CNTN4: variants seen among roughly 807,000 people sequenced by gnomAD.
CNTN4 encodes the protein contactin-4.
Under a neutral mutation model 122.5 loss-of-function variants are expected in CNTN4, and 77 were observed. The ratio of observed to expected loss-of-function variants is 0.63; its 90% CI spans 0.52 to 0.76. The LOEUF (loss-of-function observed/expected upper bound fraction) is 0.76. CNTN4 is among the 30% of genes least tolerant of loss of function. CNTN4 has a pLI of 0.00. For missense variants in CNTN4, 1,256 were observed against 1,259.1 expected (o/e 1.00, Z 0.04); for synonymous variants, 512 against 447.0 (o/e 1.15, Z -1.83).
intron 3 of CNTN4, among the ~76,000 whole-genome samples, chr3:2,501,162 G>T (rs925641050): frequency 3.9e-5 from 6 of 152,084 alleles, no homozygotes; most frequent in Admixed American, 2.0e-4. Context: ...ATGCTCAGGA[G>T]GATAGACATG....
intron 2 of CNTN4, among the ~76,000 whole-genome samples, chr3:2,219,024 C>T (rs1451401567): frequency 6.6e-6 from 1 of 152,164 alleles, no homozygotes; most frequent in South Asian, 2.1e-4. Context: ...CAGCTTCCCC[C>T]TAGGATTACA....
chr3:2,118,038 G>T (rs2125178337), intron 2 of CNTN4, among the ~76,000 whole-genome samples: 1 of 152,222 alleles, frequency 6.6e-6, no homozygotes, highest in South Asian at 2.1e-4. Context: ...AAAATGCATT[G>T]GTTGTCTAAG....
At chr3:2,425,635 G>A (rs558359512) in intron 3 of CNTN4, among the ~76,000 whole-genome samples, 2 of 152,250 alleles carry the variant, frequency 1.3e-5, no homozygotes, top group African/African-American at 4.8e-5. Context: ...GATGGGGATG[G>A]CATTGAATCT....
At chr3:2,580,000 C>G (rs929036885) in intron 4 of CNTN4, among the ~76,000 whole-genome samples, 1 of 151,926 alleles carries the variant, frequency 6.6e-6, no homozygotes, top group South Asian at 2.1e-4. Context: ...ATAATAAATA[C>G]CTATGCAGAA....
chr3:2,175,786 CT>C (rs2036723184), intron 2 of CNTN4, among the ~76,000 whole-genome samples: 1 of 152,278 alleles, frequency 6.6e-6, no homozygotes, highest in African/African-American at 2.4e-5. Flanking sequence ...CTAACCTGAT[CT>C]GATCATACAG....
intron 13 of CNTN4, among the ~76,000 whole-genome samples, chr3:2,955,378 T>C (rs399470): frequency 0.67 from 102,354 of 151,720 alleles, 34,974 homozygotes; most frequent in South Asian, 0.78. Flanking sequence ...TTTCTGATTT[T>C]GAGTGACAAA....
chr3:2,581,591 C>CA (rs1297676012), intron 4 of CNTN4, among the ~76,000 whole-genome samples: 4 of 152,138 alleles, frequency 2.6e-5, no homozygotes, highest in African/African-American at 9.7e-5. Flanking sequence ...GAGAGAATGT[C>CA]AGAGTCTTGT....
intron 4 of CNTN4, among the ~76,000 whole-genome samples, chr3:2,622,146 C>G (rs1350663707): frequency 1.3e-5 from 2 of 152,132 alleles, no homozygotes; most frequent in African/African-American, 4.8e-5. Context: ...TTTGCTGTTT[C>G]TAGATTCTGC....
intron 6 of CNTN4, among the ~76,000 whole-genome samples, chr3:2,762,753 C>T (rs1299063547): frequency 6.6e-6 from 1 of 152,156 alleles, no homozygotes; most frequent in Non-Finnish European, 1.5e-5. Context: ...GATCGCCACA[C>T]TGTCTTCCAC....
At chr3:2,183,752 C>T (rs561661327) in intron 2 of CNTN4, among the ~76,000 whole-genome samples, 59 of 152,230 alleles carry the variant, frequency 3.9e-4, no homozygotes, top group African/African-American at 1.2e-3. Context: ...CACCCAAAGC[C>T]ATACATGGAA....
At chr3:2,517,528 C>G (rs893311397) in intron 3 of CNTN4, among the ~76,000 whole-genome samples, 1 of 152,074 alleles carries the variant, frequency 6.6e-6, no homozygotes, top group African/African-American at 2.4e-5. Flanking sequence ...TAAGTTCTTA[C>G]GGTAGGGCGT....
chr3:2,111,156 A>G (rs2032923283), intron 2 of CNTN4, among the ~76,000 whole-genome samples: 1 of 152,176 alleles, frequency 6.6e-6, no homozygotes, highest in Admixed American at 6.5e-5. Context: ...AGTGGTCAGA[A>G]TTCCCGATAC....
chr3:2,197,520 T>C (rs2037902882), intron 2 of CNTN4, among the ~76,000 whole-genome samples: 2 of 152,212 alleles, frequency 1.3e-5, no homozygotes, highest in Non-Finnish European at 2.9e-5. Flanking sequence ...TAGGAGTTGC[T>C]TTTTTCATTT....
chr3:2,740,578 C>T (rs1398974688), intron 5 of CNTN4, among the ~76,000 whole-genome samples: 3 of 152,160 alleles, frequency 2.0e-5, no homozygotes, highest in Non-Finnish European at 4.4e-5. Flanking sequence ...CTTTTAAACA[C>T]AGATCTTCAT....
intron 3 of CNTN4, among the ~76,000 whole-genome samples, chr3:2,384,307 A>G (rs1268975650): frequency 2.0e-5 from 3 of 152,156 alleles, no homozygotes; most frequent in African/African-American, 7.2e-5. Context: ...GGCAAATGCT[A>G]TGAATCCTGG....
chr3:2,720,867 G>A (rs184632459), intron 4 of CNTN4, among the ~76,000 whole-genome samples: 1 of 152,334 alleles, frequency 6.6e-6, no homozygotes, highest in Admixed American at 6.5e-5. Context: ...GAGGCACAAA[G>A]TCTAAGTAAC....
At chr3:2,906,566 G>A (rs940187306) in intron 12 of CNTN4, among the ~76,000 whole-genome samples, 2 of 151,988 alleles carry the variant, frequency 1.3e-5, no homozygotes, top group Non-Finnish European at 2.9e-5. Context: ...GGCCGGGCAC[G>A]GTGGCTCACA....
intron 2 of CNTN4, among the ~76,000 whole-genome samples, chr3:2,245,094 C>A (rs541026539): frequency 6.6e-6 from 1 of 152,080 alleles, no homozygotes; most frequent in Admixed American, 6.6e-5. Context: ...AGAAGTCTTA[C>A]AGCTAAAAAT....
At chr3:2,195,885 A>G (rs2149361664) in intron 2 of CNTN4, among the ~76,000 whole-genome samples, 1 of 152,348 alleles carries the variant, frequency 6.6e-6, no homozygotes, top group South Asian at 2.1e-4. Flanking sequence ...CATTCTTGGC[A>G]GGAAATAAAA....
Sources: gnomAD v4.1 joint callset for allele counts (sites outside exome capture counted in the v4.1 genomes callset) on GRCh38, gnomAD v4.1.1 for gene constraint, MANE v1.5 for transcripts, NCBI Gene and HGNC (gene_info 2026-07-23, HGNC 2026-07-21) for gene names.